REPS1: variants seen among roughly 807,000 people sequenced by gnomAD.
REPS1 encodes ralBP1-associated Eps domain-containing protein 1.
A neutral mutation model predicts 100.9 loss-of-function variants in REPS1; 39 were observed. The observed-to-expected ratio is 0.39, with a 90% confidence interval of 0.30 to 0.50. The LOEUF (loss-of-function observed/expected upper bound fraction) is 0.50. REPS1 is among the 20% of genes least tolerant of loss of function. The pLI is 0.86. For missense variants in REPS1, 821 were observed against 968.5 expected, an observed-to-expected ratio of 0.85 and a Z score of 2.02; for synonymous variants, 324 against 340.3, an observed-to-expected ratio of 0.95 and a Z score of 0.53.
At chr6:138,984,256 TA>T (rs1785128794) in intron 1 of REPS1, among the ~76,000 whole-genome samples, 1 of 152,020 alleles carries the variant, frequency 6.6e-6, no homozygotes, top group South Asian at 2.1e-4. Flanking sequence ...GCTAATTTTG[TA>T]TTTTTAGTAC....
chr6:138,985,869 G>C (rs914439308), intron 1 of REPS1, among the ~76,000 whole-genome samples: 4 of 152,148 alleles, frequency 2.6e-5, no homozygotes, highest in Admixed American at 2.6e-4. Flanking sequence ...AAGATTGAAA[G>C]TTTTATTTCA....
intron 18 of REPS1, among the ~76,000 whole-genome samples, chr6:138,907,811 A>G (rs1779760642): frequency 6.6e-6 from 1 of 152,156 alleles, no homozygotes; most frequent in African/African-American, 2.4e-5. Flanking sequence ...ATTATTAAAA[A>G]AATTCTTCTT....
chr6:138,918,931 G>A (rs963539176), intron 12 of REPS1, among the ~76,000 whole-genome samples: 3 of 152,158 alleles, frequency 2.0e-5, no homozygotes, highest in Non-Finnish European at 4.4e-5. Context: ...ATAAGCTGAA[G>A]GGACTGGTTA....
At chr6:138,983,314 T>C (rs1785059789) in intron 1 of REPS1, among the ~76,000 whole-genome samples, 1 of 151,852 alleles carries the variant, frequency 6.6e-6, no homozygotes, top group Non-Finnish European at 1.5e-5. Context: ...TAGCCGAGTG[T>C]GGTGGTGGCG....
chr6:138,966,250 T>C (rs1039444113), intron 1 of REPS1, among the ~76,000 whole-genome samples: 34 of 152,098 alleles, frequency 2.2e-4, no homozygotes, highest in Admixed American at 1.8e-3. Context: ...GAGTTAAGCA[T>C]GATATAATTT....
intron 10 of REPS1, among the ~76,000 whole-genome samples, chr6:138,922,911 A>G (rs888698084): frequency 1.3e-4 from 20 of 152,368 alleles, no homozygotes; most frequent in East Asian, 1.9e-4. Flanking sequence ...CTTATCTGAC[A>G]TATCTCCTTG....
intron 11 of REPS1, 133 bp from the exon 12 acceptor site, chr6:138,920,449 T>C: frequency 2.1e-6 from 1 of 468,026 alleles, no homozygotes; most frequent in South Asian, 4.6e-5. Flanking sequence ...TAAGACAAAA[T>C]AATATTTTTA....
At chr6:138,965,201 CAAAT>C (rs1390464962) in intron 1 of REPS1, among the ~76,000 whole-genome samples, 39 of 152,042 alleles carry the variant, frequency 2.6e-4, no homozygotes, top group Non-Finnish European at 5.9e-5. Context: ...GTTATCTAAA[CAAAT>C]AAAACACTTC....
At chr6:138,979,368 G>T (rs1784805165) in intron 1 of REPS1, among the ~76,000 whole-genome samples, 1 of 151,870 alleles carries the variant, frequency 6.6e-6, no homozygotes, top group East Asian at 1.9e-4. Context: ...CAAACAAAAA[G>T]ATTTCCTTTA....
intron 12 of REPS1, 126 bp downstream of exon 12, chr6:138,920,089 C>T (rs530851006): frequency 5.6e-6 from 3 of 539,480 alleles, no homozygotes; most frequent in Admixed American, 3.2e-5. Flanking sequence ...GCAAAGTGTT[C>T]GAAAGGGTTC....
At chr6:138,925,138 G>A (rs1781016281) in intron 10 of REPS1, among the ~76,000 whole-genome samples, 1 of 151,966 alleles carries the variant, frequency 6.6e-6, no homozygotes, top group Admixed American at 6.6e-5. Flanking sequence ...TGGAGGTCAG[G>A]AGTTCAAGAT....
chr6:138,977,479 G>C (rs1380577930), intron 1 of REPS1, among the ~76,000 whole-genome samples: 1 of 152,158 alleles, frequency 6.6e-6, no homozygotes, highest in Non-Finnish European at 1.5e-5. Flanking sequence ...TCAATGATAT[G>C]CGGGTGCCAT....
intron 1 of REPS1, among the ~76,000 whole-genome samples, chr6:138,979,896 C>T (rs1159085436): frequency 6.6e-6 from 1 of 152,290 alleles, no homozygotes; most frequent in African/African-American, 2.4e-5. Context: ...TTCAAACTGA[C>T]ATCTCTAAGC....
At chr6:138,981,451 G>A (rs576632606) in intron 1 of REPS1, among the ~76,000 whole-genome samples, 42 of 152,264 alleles carry the variant, frequency 2.8e-4, no homozygotes, top group South Asian at 6.2e-4. Flanking sequence ...GAAAACATCA[G>A]AAATGACAAG....
At position 138,947,031 on chromosome 6, in the gene REPS1, C is replaced by CCTTGCTCTCTCTCTCT. The variant is rs1182598603; in HGVS notation, c.277+743_277+758dup. On this transcript the variant is annotated intron_variant, in intron 2 of 19. Coordinates refer to ENST00000450536, the MANE Select transcript of REPS1 (RefSeq NM_001286611.2). Reference sequence around the variant, plus strand: ...GGTTTAAATGTCTGTGGCTATTCCCCCTTGCTCTCTCTCTCTCTCTCTCTC... The same window carrying CCTTGCTCTCTCTCTCT: ...GGTTTAAATGTCTGTGGCTATTCCCCCTTGCTCTCTCTCTCTCTTGCTCTCTCTCTCTCTCTCTCTC... 1.7e-3 allele frequency among the ~76,000 whole-genome samples: 181 copies of CCTTGCTCTCTCTCTCT among 103,992 alleles called. 1 individual carries two copies. The highest frequency in any genetic ancestry group is 6.7e-3 in the African/African-American group (168 of 24,994). 68.2% of individuals were successfully genotyped at this position (103,992 alleles called of 152,430 possible).
intron 2 of REPS1, 21 bp downstream of exon 2, chr6:138,947,769 A>ACAG: frequency 6.6e-7 from 1 of 1,505,970 alleles, no homozygotes. Context: ...TCTTTCGGTT[A>ACAG]CTAGTGTACT....
At chr6:138,964,380 G>A (rs1053638941) in intron 1 of REPS1, among the ~76,000 whole-genome samples, 11 of 152,062 alleles carry the variant, frequency 7.2e-5, no homozygotes, top group African/African-American at 2.7e-4. Context: ...ACGTAATGAT[G>A]TCCATTATTT....
intron 1 of REPS1, among the ~76,000 whole-genome samples, chr6:138,950,705 T>G (rs929604259): frequency 6.6e-6 from 1 of 152,204 alleles, no homozygotes; most frequent in Non-Finnish European, 1.5e-5. Flanking sequence ...TTTTGCTATT[T>G]AGAAATTTTT....
intron 1 of REPS1, 89 bp downstream of exon 1, chr6:138,987,441 G>T: frequency 7.6e-7 from 1 of 1,308,700 alleles, no homozygotes; most frequent in Non-Finnish European, 1.0e-6. Context: ...GCCCCCCGCC[G>T]GGCCCCAAGG....
Sources: allele counts gnomAD v4.1 joint callset (sites outside exome capture counted in the v4.1 genomes callset), GRCh38; gene constraint gnomAD v4.1.1; transcripts MANE v1.5; gene names NCBI Gene and HGNC (gene_info 2026-07-23, HGNC 2026-07-21).